The following ZGRF1 variants were observed in gnomAD, a reference collection of about 807,000 sequenced individuals.
ZGRF1 encodes the protein 5'-3' DNA helicase ZGRF1.
ZGRF1 carries 196 observed loss-of-function variants against 203.5 expected under a neutral mutation model. The ratio of observed to expected loss-of-function variants is 0.96; its 90% CI spans 0.86 to 1.08. The LOEUF (loss-of-function observed/expected upper bound fraction) is 1.08. ZGRF1 is among the 50% of genes least tolerant of loss of function. The pLI is 0.00. For missense variants in ZGRF1, 2,326 were observed against 2,416.3 expected (o/e 0.96, Z 0.78); for synonymous variants, 809 against 841.3 (o/e 0.96, Z 0.66).
intron 24 of ZGRF1, among the ~76,000 whole-genome samples, chr4:112,541,832 T>C (rs1216345276): frequency 1.3e-5 from 2 of 152,106 alleles, no homozygotes; most frequent in Non-Finnish European, 2.9e-5. Flanking sequence ...TGGCCAACAT[T>C]ATGCTTTTAT....
rs1161446581 is a variant in ZGRF1, at chr4:112,618,416, A to G, written c.1626T>C (p.Thr542=). ...FNLNNFETSD[T]EEESQESNKI... Reference sequence around the variant, plus strand: ...TGTTGCTTTCCTGTGATTCCTCCTCAGTGTCACTGGTCTCAAAATTGTTCA... The same window carrying G: ...TGTTGCTTTCCTGTGATTCCTCCTCGGTGTCACTGGTCTCAAAATTGTTCA... The change falls in exon 6 of 28, where the codon ACT becomes ACC. Residue 542 remains threonine (T), a synonymous_variant. Coordinates refer to ENST00000505019, the MANE Select transcript of ZGRF1 (RefSeq NM_018392.5). 6.2e-7 allele frequency: 1 copy of G among 1,613,850 alleles called. No homozygotes were observed. The highest frequency in any genetic ancestry group is 1.1e-5 in the South Asian group (1 of 91,068).
At chr4:112,598,259 T>C (rs1338140011) in intron 10 of ZGRF1, among the ~76,000 whole-genome samples, 1 of 152,184 alleles carries the variant, frequency 6.6e-6, no homozygotes, top group Non-Finnish European at 1.5e-5. Context: ...TGTGAATTCC[T>C]GTATTAAGGA....
intron 10 of ZGRF1, among the ~76,000 whole-genome samples, chr4:112,591,748 G>C (rs556218151): frequency 1.3e-5 from 2 of 152,014 alleles, no homozygotes; most frequent in South Asian, 2.1e-4. Context: ...TTCAGATCTC[G>C]ACTCCAGTGT....
At chr4:112,614,449 T>G (rs772844815) in intron 6 of ZGRF1, among the ~76,000 whole-genome samples, 2 of 152,254 alleles carry the variant, frequency 1.3e-5, no homozygotes, top group African/African-American at 4.8e-5. Flanking sequence ...TTTTAGCTTA[T>G]GTTGTAAACA....
At chr4:112,555,877 G>A (rs1740836444) in intron 20 of ZGRF1, among the ~76,000 whole-genome samples, 2 of 152,088 alleles carry the variant, frequency 1.3e-5, no homozygotes, top group Non-Finnish European at 2.9e-5. Context: ...TCTTTTATAA[G>A]TTTCCTGTTA....
chr4:112,626,842 A>C (rs1434837526), intron 3 of ZGRF1, among the ~76,000 whole-genome samples: 1 of 151,824 alleles, frequency 6.6e-6, no homozygotes, highest in Non-Finnish European at 1.5e-5. Context: ...GTCTTGCTCT[A>C]TTGCTCAAGC....
chr4:112,575,059 CAAT>C (rs1744899495), intron 16 of ZGRF1, among the ~76,000 whole-genome samples: 1 of 149,066 alleles, frequency 6.7e-6, no homozygotes, highest in South Asian at 2.1e-4. Flanking sequence ...AAAAAAAAAA[CAAT>C]GTTTAAAGAA....
At chr4:112,625,148 A>G (rs780510658) in intron 3 of ZGRF1, among the ~76,000 whole-genome samples, 12 of 152,206 alleles carry the variant, frequency 7.9e-5, no homozygotes, top group Non-Finnish European at 1.6e-4. Context: ...TTAGCCAGAC[A>G]TGGTGGTGCA....
At position 112,587,360 on chromosome 4, in the gene ZGRF1, T is replaced by G. The variant is rs1747357858; in HGVS notation, c.3697A>C (p.Lys1233Gln). The change falls in exon 12 of 28, where the codon AAG becomes CAG. Residue 1233 changes from lysine to glutamine, a missense_variant. Physicochemically the swap from Lys to Gln is moderately conservative, Grantham distance 53 (BLOSUM62 1). Coordinates refer to ENST00000505019, the MANE Select transcript of ZGRF1 (RefSeq NM_018392.5). ...ATTTCCTCTGTCTTAGAAGTCTGCT[T>G]TAAATTCAGAGAAAGTACTTTCTTT... ...SRKKVLSLNL[K>Q]QTSKTEEIKN... 1 of 1,613,752 alleles carries G rather than the reference T, an allele frequency of 6.2e-7. No individual in the cohort carries two copies. The highest frequency in any genetic ancestry group is 1.3e-5 in the African/African-American group (1 of 74,906).
rs771868109 is a variant in ZGRF1, at chr4:112,547,419, A to T, written c.5475-11T>A. 12 of 1,595,822 alleles carry T rather than the reference A, an allele frequency of 7.5e-6. No homozygotes were observed. The highest frequency in any genetic ancestry group is 9.4e-6 in the Non-Finnish European group (11 of 1,174,102). ...TTTTCACACTCAAACCTAAAACAGAATTTCAAAAATTAATCTAAGCAATTA... is the reference window on the plus strand; with the variant it reads ...TTTTCACACTCAAACCTAAAACAGATTTTCAAAAATTAATCTAAGCAATTA... On this transcript the variant is annotated splice_polypyrimidine_tract_variant and intron_variant, in intron 23 of 27. Transcript: ENST00000505019.
intron 16 of ZGRF1, among the ~76,000 whole-genome samples, chr4:112,563,518 G>A (rs972887162): frequency 9.9e-5 from 15 of 152,102 alleles, no homozygotes; most frequent in African/African-American, 3.1e-4. Flanking sequence ...GAATCACACA[G>A]AAAAAGACTA....
intron 10 of ZGRF1, among the ~76,000 whole-genome samples, chr4:112,592,498 G>T (rs114432731): frequency 8.1e-4 from 123 of 152,252 alleles, no homozygotes; most frequent in Non-Finnish European, 1.7e-3. Context: ...AAATGAAATG[G>T]ACATATTTCT....
At chr4:112,582,697 T>A (rs1746481201) in intron 15 of ZGRF1, among the ~76,000 whole-genome samples, 1 of 152,196 alleles carries the variant, frequency 6.6e-6, no homozygotes, top group South Asian at 2.1e-4. Flanking sequence ...TGTGTTCAAG[T>A]GATTCACCCA....
chr4:112,609,841 T>C (rs1231981230), intron 7 of ZGRF1, among the ~76,000 whole-genome samples: 1 of 149,718 alleles, frequency 6.7e-6, no homozygotes, highest in East Asian at 2.0e-4. Flanking sequence ...ACACCATCAC[T>C]AATATGAAAT....
At chr4:112,569,083 A>T (rs1743746691) in intron 16 of ZGRF1, among the ~76,000 whole-genome samples, 1 of 152,240 alleles carries the variant, frequency 6.6e-6, no homozygotes, top group South Asian at 2.1e-4. Context: ...AACTAAGTAT[A>T]TTAAATGTTG....
At position 112,624,086 on chromosome 4, in the gene ZGRF1, G is replaced by A. The variant is rs60198823; in HGVS notation, c.103-210C>T. ...GTAAAGGCATACATAAAAGAAATTCGGGCAACCCGCTCGGGTCCCCTTCCA... is the reference window on the plus strand; with the variant it reads ...GTAAAGGCATACATAAAAGAAATTCAGGCAACCCGCTCGGGTCCCCTTCCA... On this transcript the variant is annotated intron_variant, in intron 3 of 27. Transcript: ENST00000505019. 2,815 of 382,330 alleles carry A rather than the reference G, an allele frequency of 7.4e-3. 80 individuals are homozygous for A. Among genetic ancestry groups the A allele is most frequent in the African/African-American group, 0.055 (2,577 of 47,248 alleles). 23.7% of individuals were successfully genotyped at this position (382,330 alleles called of 1,614,324 possible). A position where few individuals can be genotyped will look rare whatever the true frequency, so the allele number is the denominator to read the frequency against.
chr4:112,609,358 T>C (rs943331671), intron 8 of ZGRF1, 21 bp downstream of exon 8: 16 of 1,450,274 alleles, frequency 1.1e-5, no homozygotes, highest in African/African-American at 1.0e-4. Flanking sequence ...CAGGGGCTAA[T>C]TTATATTTTA....
In ZGRF1 at chr4:112,626,221, G is replaced by A. The variant is rs1418216826; in HGVS notation, c.103-2345C>T. ...GTGAAAATACTAAAAATCACTGAAC[G>A]GGTGAATCGAAAAGTGTGTGAAGTG... On this transcript the variant is annotated intron_variant, in intron 3 of 27. Coordinates refer to ENST00000505019, the MANE Select transcript of ZGRF1 (RefSeq NM_018392.5). Among the ~76,000 whole-genome samples the A allele has an allele frequency of 5.9e-5, 9 of 152,098 alleles. No homozygotes were observed. The South Asian group carries it at 1.0e-3, about 18-fold the overall frequency.
At chr4:112,545,269 TA>T (rs1259175820) in intron 24 of ZGRF1, among the ~76,000 whole-genome samples, 41 of 145,672 alleles carry the variant, frequency 2.8e-4, no homozygotes, top group African/African-American at 5.0e-4. Context: ...AGAATATATT[TA>T]AAAAAAAAAA....
Sources: gnomAD v4.1 joint callset for allele counts (sites outside exome capture counted in the v4.1 genomes callset) on GRCh38, gnomAD v4.1.1 for gene constraint, MANE v1.5 for transcripts, NCBI Gene and HGNC (gene_info 2026-07-23, HGNC 2026-07-21) for gene names.